Variants in HOXC4 observed in about 807,000 individuals in gnomAD.
HOXC4 encodes the protein homeobox C4.
Under a neutral mutation model 25.5 loss-of-function variants are expected in HOXC4, and 15 were observed. The observed-to-expected ratio is 0.59, with a 90% CI of 0.39 to 0.91. The LOEUF (loss-of-function observed/expected upper bound fraction) is 0.91. HOXC4 is among the 40% of genes least tolerant of loss of function. HOXC4 has a pLI of 0.00. For missense variants in HOXC4, 342 were observed against 352.4 expected, an observed-to-expected ratio of 0.97 and a Z score of 0.24; for synonymous variants, 165 against 148.0, an observed-to-expected ratio of 1.11 and a Z score of -0.83.
intron 1 of HOXC4, among the ~76,000 whole-genome samples, chr12:54,017,983 G>T (rs1259941532): frequency 6.6e-6 from 1 of 152,222 alleles, no homozygotes; most frequent in Non-Finnish European, 1.5e-5. Context: ...CCGCCGAGCA[G>T]GAAGCCGGCG....
intron 1 of HOXC4, chr12:54,021,768 A>ACGGCGCCGCAGCTCTGCCG (rs1433853382): frequency 6.6e-6 from 1 of 152,278 alleles, no homozygotes; most frequent in Non-Finnish European, 1.5e-5. Flanking sequence ...GGCCTCTGCC[A>ACGGCGCCGCAGCTCTGCCG]CGGCGCCGCA....
chr12:54,024,816 C>T (rs111372546), intron 1 of HOXC4, among the ~76,000 whole-genome samples: 235 of 152,294 alleles, frequency 1.5e-3, no homozygotes, highest in Non-Finnish European at 2.0e-3. Flanking sequence ...GGACTCCAGG[C>T]CAGTGACTGC....
At chr12:54,024,704 G>A (rs1242818974) in intron 1 of HOXC4, among the ~76,000 whole-genome samples, 2 of 146,234 alleles carry the variant, frequency 1.4e-5, no homozygotes, top group Non-Finnish European at 3.0e-5. Flanking sequence ...CATGCCCCCA[G>A]CCTTTCCCTG....
At chr12:54,027,399 C>T (rs1391581154) in intron 1 of HOXC4, among the ~76,000 whole-genome samples, 1 of 152,204 alleles carries the variant, frequency 6.6e-6, no homozygotes, top group Admixed American at 6.5e-5. Context: ...CTTGAGCCTG[C>T]AGGAAGCTAA....
chr12:54,042,195 C>G (rs970410643), intron 1 of HOXC4, among the ~76,000 whole-genome samples: 1 of 152,080 alleles, frequency 6.6e-6, no homozygotes, highest in Non-Finnish European at 1.5e-5. Context: ...TCAGGCTGGT[C>G]TCAAACTCCT....
At chr12:54,034,423 G>A in intron 1 of HOXC4, 1 of 1,614,262 alleles carries the variant, frequency 6.2e-7, no homozygotes, top group Non-Finnish European at 8.5e-7. Context: ...GACAGATCAA[G>A]ATCTGGTTCC....
chr12:54,041,363 G>C (rs1941268893), intron 1 of HOXC4, among the ~76,000 whole-genome samples: 1 of 152,188 alleles, frequency 6.6e-6, no homozygotes, highest in Admixed American at 6.5e-5. Context: ...TGAATTTTCT[G>C]GTTGGGTTCT....
At chr12:54,034,761 G>T in intron 1 of HOXC4, 1 of 463,934 alleles carries the variant, frequency 2.2e-6, no homozygotes, top group South Asian at 2.2e-5. Flanking sequence ...GACTTCCCCG[G>T]AGGGCTGCGG....
chr12:54,028,900 C>A (rs1940855257), intron 1 of HOXC4: 1 of 1,611,136 alleles, frequency 6.2e-7, no homozygotes, highest in Admixed American at 1.7e-5. Context: ...CCCCTGGATG[C>A]AGCGAATGAA....
chr12:54,034,048 C>G (rs2136448991), intron 1 of HOXC4: 1 of 701,870 alleles, frequency 1.4e-6, no homozygotes, highest in East Asian at 2.8e-5. Flanking sequence ...AACCCCCCCT[C>G]AGCCCCTCCG....
chr12:54,038,472 G>A (rs1423869851), intron 1 of HOXC4, among the ~76,000 whole-genome samples: 5 of 152,226 alleles, frequency 3.3e-5, no homozygotes, highest in African/African-American at 1.2e-4. Flanking sequence ...GGGGAGAAAG[G>A]CAGGGAAGGA....
chr12:54,044,883 T>C (rs942960450), intron 1 of HOXC4, among the ~76,000 whole-genome samples: 3 of 152,160 alleles, frequency 2.0e-5, no homozygotes, highest in Admixed American at 2.0e-4. Context: ...CCCTTGTGCC[T>C]GGGGCTACAG....
chr12:54,043,967 T>TGTGTGTG (rs1565750571), intron 1 of HOXC4, among the ~76,000 whole-genome samples: 17 of 66,254 alleles, frequency 2.6e-4, no homozygotes, highest in Non-Finnish European at 3.3e-4. Context: ...TGTGTGTGTG[T>TGTGTGTG]TTAGGGAGTA....
intron 1 of HOXC4, chr12:54,034,235 G>T (rs1308074307): frequency 5.9e-6 from 9 of 1,532,632 alleles, no homozygotes; most frequent in Non-Finnish European, 8.1e-6. Flanking sequence ...AACGCTGCAA[G>T]CTATTCACCC....
At chr12:54,033,889 T>TC in intron 1 of HOXC4, 1 of 349,592 alleles carries the variant, frequency 2.9e-6, no homozygotes, top group Non-Finnish European at 5.7e-6. Flanking sequence ...CGCGGCTCCC[T>TC]CCCTCCCTCC....
intron 1 of HOXC4, among the ~76,000 whole-genome samples, chr12:54,040,304 A>G (rs993377243): frequency 6.6e-6 from 1 of 152,178 alleles, no homozygotes; most frequent in Non-Finnish European, 1.5e-5. Context: ...GCAGGGTCAC[A>G]TGGTCCCCAC....
chr12:54,051,184 T>A (rs562873374), upstream of HOXC4, among the ~76,000 whole-genome samples: 159 of 152,188 alleles, frequency 1.0e-3, no homozygotes, highest in Non-Finnish European at 1.7e-3. Context: ...ACAGCTCACC[T>A]TTCCAGGTGA....
At chr12:54,038,596 C>T (rs1444336099) in intron 1 of HOXC4, among the ~76,000 whole-genome samples, 1 of 152,164 alleles carries the variant, frequency 6.6e-6, no homozygotes, top group Non-Finnish European at 1.5e-5. Flanking sequence ...CCCTCACTAC[C>T]AGGCTTGGAT....
chr12:54,041,921 C>T (rs1941279610), intron 1 of HOXC4, among the ~76,000 whole-genome samples: 1 of 151,960 alleles, frequency 6.6e-6, no homozygotes, highest in African/African-American at 2.4e-5. Context: ...CCTCATCCTC[C>T]CAAAGTGCTG....
Sources: allele counts gnomAD v4.1 joint callset (sites outside exome capture counted in the v4.1 genomes callset), GRCh38; gene constraint gnomAD v4.1.1; transcripts MANE v1.5; gene names NCBI Gene and HGNC (gene_info 2026-07-23, HGNC 2026-07-21).